Variants in LNP1 observed in about 807,000 individuals in gnomAD.
LNP1 encodes leukemia NUP98 fusion partner 1.
Under a neutral mutation model 14.5 loss-of-function variants are expected in LNP1, and 12 were observed. That is an observed-to-expected ratio of 0.83 (90% CI 0.53 to 1.34). LNP1 has a LOEUF of 1.34. Among genes scored for constraint, LNP1 ranks in the 40% most tolerant of loss-of-function variants. The probability of loss-of-function intolerance (pLI) is 0.00; values close to 1 mark genes in which losing one functional copy is unlikely to be tolerated. For missense variants in LNP1, 198 were observed against 210.9 expected, an observed-to-expected ratio of 0.94 and a Z score of 0.38; for synonymous variants, 75 against 71.4, an observed-to-expected ratio of 1.05 and a Z score of -0.26.
intron 3 of LNP1, among the ~76,000 whole-genome samples, chr3:100,455,143 C>G (rs146271611): frequency 6.6e-6 from 1 of 152,196 alleles, no homozygotes; most frequent in African/African-American, 2.4e-5. Context: ...TTTTTCATTT[C>G]CTTTTAGGTT....
At chr3:100,430,558 T>A (rs1389922636) in intron 2 of LNP1, among the ~76,000 whole-genome samples, 4 of 152,232 alleles carry the variant, frequency 2.6e-5, no homozygotes, top group African/African-American at 9.6e-5. Context: ...TCTACTGGCA[T>A]GCTAGAAGGC....
chr3:100,425,321 G>C (rs1231681514), intron 1 of LNP1, among the ~76,000 whole-genome samples: 1 of 152,170 alleles, frequency 6.6e-6, no homozygotes, highest in Non-Finnish European at 1.5e-5. Context: ...CTGCCTGAAG[G>C]CAGTTTGTTT....
At chr3:100,433,047 ATTTTTTC>A (rs1473352019) in intron 2 of LNP1, among the ~76,000 whole-genome samples, 1 of 151,960 alleles carries the variant, frequency 6.6e-6, no homozygotes, top group Admixed American at 6.6e-5. Flanking sequence ...TACACCCAAG[ATTTTTTC>A]TTTTTTCTTT....
At chr3:100,414,689 G>C (rs995602104) in intron 1 of LNP1, among the ~76,000 whole-genome samples, 1 of 152,210 alleles carries the variant, frequency 6.6e-6, no homozygotes, top group African/African-American at 2.4e-5. Context: ...TGCTTATGGA[G>C]GGGCCACATA....
intron 1 of LNP1, among the ~76,000 whole-genome samples, chr3:100,425,521 T>C (rs750654200): frequency 1.1e-4 from 17 of 152,176 alleles, no homozygotes; most frequent in Non-Finnish European, 2.1e-4. Context: ...GAAAAACAGA[T>C]CATTAATGCC....
chr3:100,432,531 G>C (rs1231374290), intron 2 of LNP1, among the ~76,000 whole-genome samples: 1 of 152,148 alleles, frequency 6.6e-6, no homozygotes, highest in Non-Finnish European at 1.5e-5. Flanking sequence ...AAAGGGTAAA[G>C]CTTAGGCCTT....
At chr3:100,447,495 T>C (rs1333091208) in intron 2 of LNP1, among the ~76,000 whole-genome samples, 1 of 152,114 alleles carries the variant, frequency 6.6e-6, no homozygotes, top group East Asian at 1.9e-4. Flanking sequence ...AAATACCTAA[T>C]GTAAATGGTG....
At chr3:100,421,099 C>T (rs531078502) in intron 1 of LNP1, among the ~76,000 whole-genome samples, 8 of 152,280 alleles carry the variant, frequency 5.3e-5, no homozygotes, top group African/African-American at 1.9e-4. Flanking sequence ...TTGTCTTGGC[C>T]TCCCAGAGTG....
At chr3:100,414,086 C>T (rs771813519) in intron 1 of LNP1, among the ~76,000 whole-genome samples, 4 of 152,118 alleles carry the variant, frequency 2.6e-5, no homozygotes, top group East Asian at 3.9e-4. Flanking sequence ...TGCTGCTTCA[C>T]GAACTACCCC....
intron 1 of LNP1, among the ~76,000 whole-genome samples, chr3:100,419,238 C>G (rs1707120945): frequency 6.6e-6 from 1 of 152,186 alleles, no homozygotes; most frequent in Admixed American, 6.5e-5. Flanking sequence ...TCTAACTCAA[C>G]AGCATTTTGG....
At chr3:100,421,773 C>G (rs1707145449) in intron 1 of LNP1, among the ~76,000 whole-genome samples, 1 of 152,100 alleles carries the variant, frequency 6.6e-6, no homozygotes, top group Admixed American at 6.6e-5. Context: ...ATATACCTTT[C>G]CATAAAGACC....
At position 100,451,889 on chromosome 3, in the gene LNP1, G is replaced by A. The variant is rs752833751; in HGVS notation, c.327G>A (p.Glu109=). ...ESKGRSHSKI[E]KFSESFERQL... The stretch of plus-strand genomic sequence containing the variant: ...AAGGAAGATCCCATTCCAAAATTGA[G>A]AAATTTTCAGAGTCCTTTGAACGGC... Residue 109 remains glutamate (E), a synonymous_variant, in exon 3 of 4, where the codon GAG becomes GAA. Coordinates refer to ENST00000383693, the MANE Select transcript of LNP1 (RefSeq NM_001085451.2). 3 of 1,613,982 alleles carry A rather than the reference G, an allele frequency of 1.9e-6. No homozygotes were observed. Among genetic ancestry groups the A allele is most frequent in the Admixed American group, 1.7e-5 (1 of 59,970 alleles).
Position 100,455,751 on chromosome 3 carries a change from A to C in LNP1, c.388-26A>C, listed in dbSNP as rs115002254. 3,452 of 1,611,644 alleles carry C rather than the reference A, an allele frequency of 2.1e-3. 63 individuals carry two copies. In the African/African-American group the frequency reaches 0.042, roughly 19 times the overall value. On this transcript the variant is annotated intron_variant, in intron 3 of 3. Coordinates refer to ENST00000383693, the MANE Select transcript of LNP1 (RefSeq NM_001085451.2). ...TGTTGTCAGCTGCTTGTGCATTTTTACCTGTTTCTGATCTTTCCCTTTCAG... is the reference window on the plus strand; with the variant it reads ...TGTTGTCAGCTGCTTGTGCATTTTTCCCTGTTTCTGATCTTTCCCTTTCAG...
rs1175833158 is a variant in LNP1, at chr3:100,456,142, G to T, written c.*216G>T. On this transcript the variant is annotated 3_prime_UTR_variant, in exon 4 of 4. Transcript: ENST00000383693. ...CAATTACTGCTGGCATCTTAGTTGA[G>T]AGTATAATCTGCTTGGTTGCCTTTT... The T allele has an allele frequency of 8.7e-6, 4 of 459,386 alleles. No homozygotes were observed. The highest frequency in any genetic ancestry group is 1.6e-5 in the Non-Finnish European group (4 of 257,148). 28.5% of individuals were successfully genotyped at this position (459,386 alleles called of 1,614,324 possible). A position where few individuals can be genotyped will look rare whatever the true frequency, so the allele number is the denominator to read the frequency against.
At chr3:100,436,910 C>G (rs1707299042) in intron 2 of LNP1, among the ~76,000 whole-genome samples, 1 of 152,094 alleles carries the variant, frequency 6.6e-6, no homozygotes, top group African/African-American at 2.4e-5. Context: ...CTCTCTATCC[C>G]CACATATGCA....
chr3:100,403,271 TA>T (rs1362567638), intron 1 of LNP1, among the ~76,000 whole-genome samples: 1 of 152,270 alleles, frequency 6.6e-6, no homozygotes, highest in Non-Finnish European at 1.5e-5. Flanking sequence ...TCAGTTTTTC[TA>T]AATTTTAAAG....
Position 100,446,703 on chromosome 3 carries a change from TGACAAA to T in LNP1, c.157-5014_157-5009del, listed in dbSNP as rs1383472148. On this transcript the variant is annotated intron_variant, in intron 2 of 3. Transcript: ENST00000383693. ...AGAAAATTTTTGTAATCTACCCATC[TGACAAA>T]GGGCTAATACCCAGAATCTACAAGG... 2.0e-3 allele frequency among the ~76,000 whole-genome samples: 304 copies of T among 152,338 alleles called. 1 individual carries two copies. Among genetic ancestry groups the T allele is most frequent in the African/African-American group, 7.0e-3 (289 of 41,572 alleles).
chr3:100,403,059 C>T (rs774781487), intron 1 of LNP1, among the ~76,000 whole-genome samples: 1 of 152,228 alleles, frequency 6.6e-6, no homozygotes, highest in East Asian at 1.9e-4. Context: ...ATTTTCTCCT[C>T]CATTTCCTAA....
intron 1 of LNP1, among the ~76,000 whole-genome samples, chr3:100,404,157 C>T (rs1427259011): frequency 2.6e-5 from 4 of 152,124 alleles, no homozygotes; most frequent in Non-Finnish European, 5.9e-5. Context: ...TATAATTAGG[C>T]TGAAAGTGCT....
Sources: allele counts gnomAD v4.1 joint callset (sites outside exome capture counted in the v4.1 genomes callset), GRCh38; gene constraint gnomAD v4.1.1; transcripts MANE v1.5; gene names NCBI Gene and HGNC (gene_info 2026-07-23, HGNC 2026-07-21).